The following IFIH1 variants were observed in gnomAD, a reference collection of about 807,000 sequenced individuals.
The protein encoded by IFIH1 is interferon-induced helicase C domain-containing protein 1.
Under a neutral mutation model 107.4 loss-of-function variants are expected in IFIH1, and 125 were observed. The ratio of observed to expected loss-of-function variants is 1.16; its 90% CI spans 1.01 to 1.35. IFIH1 has a LOEUF of 1.35. Ranked by LOEUF, IFIH1 falls within the 40% of genes most tolerant of loss-of-function variation. IFIH1 has a pLI of 0.00. For synonymous variants in IFIH1, 458 were observed against 413.2 expected (o/e 1.11, Z -1.31); for missense variants, 1,333 against 1,213.7 (o/e 1.10, Z -1.46).
chr2:162,301,515 A>C (rs549979964), intron 3 of IFIH1, among the ~76,000 whole-genome samples: 11 of 152,338 alleles, frequency 7.2e-5, no homozygotes, highest in African/African-American at 2.4e-4. Flanking sequence ...AAGTTGACTT[A>C]GTTTTAAATG....
chr2:162,313,892 C>T (rs1428663048), intron 1 of IFIH1, among the ~76,000 whole-genome samples: 1 of 151,920 alleles, frequency 6.6e-6, no homozygotes, highest in Non-Finnish European at 1.5e-5. Context: ...GGGAGATTGA[C>T]TTGGGTGCTC....
chr2:162,306,884 C>T (rs1683291010), intron 2 of IFIH1, 29 bp from the exon 3 acceptor site: 2 of 1,606,274 alleles, frequency 1.2e-6, no homozygotes, highest in Non-Finnish European at 8.5e-7. Context: ...GAATGCAAAT[C>T]ATAGTGCCAT....
At chr2:162,306,562 T>C (rs1683282946) in intron 3 of IFIH1, 147 bp downstream of exon 3, 4 of 518,598 alleles carry the variant, frequency 7.7e-6, no homozygotes, top group African/African-American at 1.9e-5. Flanking sequence ...ATTATTTTAA[T>C]TTAATCTCCT....
At chr2:162,306,669 T>C in intron 3 of IFIH1, 40 bp downstream of exon 3, 1 of 1,574,070 alleles carries the variant, frequency 6.4e-7, no homozygotes, top group Non-Finnish European at 8.7e-7. Context: ...TTTCTGGAAG[T>C]AGTAATTACT....
chr2:162,276,177 A>C (rs10490426), intron 11 of IFIH1, among the ~76,000 whole-genome samples: 3,062 of 152,316 alleles, frequency 0.02, 109 homozygotes, highest in African/African-American at 0.071. Flanking sequence ...CAAAAACCAC[A>C]GATTTGATTG....
At chr2:162,280,140 A>G (rs1682779959) in intron 7 of IFIH1, 28 bp from the exon 8 acceptor site, 5 of 1,183,166 alleles carry the variant, frequency 4.2e-6, no homozygotes, top group Admixed American at 3.6e-5. Flanking sequence ...TTCAATATTT[A>G]TGCAATTATT....
intron 14 of IFIH1, 56 bp downstream of exon 14, chr2:162,268,031 T>C (rs1690958897): frequency 8.0e-7 from 1 of 1,248,622 alleles, no homozygotes; most frequent in Non-Finnish European, 1.1e-6. Context: ...ACATTTACAA[T>C]GCAACCTGCT....
intron 3 of IFIH1, among the ~76,000 whole-genome samples, chr2:162,302,628 T>C (rs1043362628): frequency 5.3e-5 from 8 of 152,240 alleles, no homozygotes; most frequent in African/African-American, 1.9e-4. Context: ...CCATAGTAAA[T>C]TCTGCAACAA....
At chr2:162,316,621 T>C (rs1019568356) in intron 1 of IFIH1, among the ~76,000 whole-genome samples, 18 of 152,098 alleles carry the variant, frequency 1.2e-4, no homozygotes, top group African/African-American at 4.3e-4. Flanking sequence ...GAAGTTTGTA[T>C]GAATATACAA....
intron 13 of IFIH1, among the ~76,000 whole-genome samples, chr2:162,271,886 T>TA (rs1691047525): frequency 6.6e-6 from 1 of 152,180 alleles, no homozygotes; most frequent in African/African-American, 2.4e-5. Flanking sequence ...TTTCTGAAAT[T>TA]AAAAAACTGT....
At chr2:162,308,542 T>C (rs1407517794) in intron 2 of IFIH1, among the ~76,000 whole-genome samples, 1 of 152,096 alleles carries the variant, frequency 6.6e-6, no homozygotes, top group Non-Finnish European at 1.5e-5. Context: ...CCACCCCAGC[T>C]AATTTTTGTA....
rs535526338 is a variant in IFIH1 at position 162,305,296 on chromosome 2, G to A, written c.769+1413C>T. Among the ~76,000 whole-genome samples the A allele has an allele frequency of 2.6e-5, 4 of 152,278 alleles. No individual in the cohort carries two copies. In the South Asian group the frequency reaches 6.2e-4, roughly 24 times the overall value. ...TAAGTACAAAATAACAAGGCCAGGC[G>A]GAGTGGCTCATGCCTGTAATCCCAG... On this transcript the variant is annotated intron_variant, in intron 3 of 15. Coordinates refer to ENST00000649979, the MANE Select transcript of IFIH1 (RefSeq NM_022168.4).
chr2:162,272,169 G>A, intron 13 of IFIH1, 57 bp downstream of exon 13: 1 of 1,408,316 alleles, frequency 7.1e-7, no homozygotes, highest in Non-Finnish European at 9.9e-7. Context: ...GATATCAATG[G>A]CAACCACATG....
At chr2:162,272,182 G>T (rs532135532) in intron 13 of IFIH1, 44 bp downstream of exon 13, 2 of 1,528,568 alleles carry the variant, frequency 1.3e-6, no homozygotes, top group Non-Finnish European at 1.8e-6. Context: ...ACCACATGCC[G>T]CCATTTTTAA....
In IFIH1 at chr2:162,310,923, G is replaced by A; in HGVS notation, c.464C>T (p.Ala155Val). 6.2e-7 allele frequency: 1 copy of A among 1,612,314 alleles called. No individual in the cohort carries two copies. Among genetic ancestry groups the A allele is most frequent in the Non-Finnish European group, 8.5e-7 (1 of 1,178,968 alleles). ...TIEDRNRIAA[A>V]ENNGNESGVR... ...ACCTGATTCATTTCCATTGTTTTCT[G>A]CAGCAGCAATCTGTTGTAAGAGAAA... The change falls in exon 2 of 16, where the codon GCA becomes GTA. Residue 155 changes from alanine (A) to valine (V), a missense_variant. Physicochemically the swap from Ala to Val is moderately conservative, Grantham distance 64 (BLOSUM62 0). Transcript: ENST00000649979.
chr2:162,286,356 A>G (rs1042657441), intron 5 of IFIH1, among the ~76,000 whole-genome samples: 1 of 151,946 alleles, frequency 6.6e-6, no homozygotes, highest in Non-Finnish European at 1.5e-5. Flanking sequence ...GGATGAATAC[A>G]AATAGGGCTT....
At chr2:162,270,876 G>T (rs1400381003) in intron 13 of IFIH1, among the ~76,000 whole-genome samples, 1 of 152,112 alleles carries the variant, frequency 6.6e-6, no homozygotes, top group Admixed American at 6.6e-5. Context: ...GCAGAAACCT[G>T]GTCAGGAAAC....
At position 162,310,917 on chromosome 2, in the gene IFIH1, T is replaced by C; in HGVS notation, c.470A>G (p.Asn157Ser). 6.2e-7 allele frequency: 1 copy of C among 1,613,084 alleles called. No individual in the cohort carries two copies. Among genetic ancestry groups the C allele is most frequent in the Non-Finnish European group, 8.5e-7 (1 of 1,179,436 alleles). Residue 157 changes from asparagine (N) to serine (S), a missense_variant, in exon 2 of 16, where the codon AAC becomes AGC. Coordinates refer to ENST00000649979, the MANE Select transcript of IFIH1 (RefSeq NM_022168.4). ...TCTTACACCTGATTCATTTCCATTG[T>C]TTTCTGCAGCAGCAATCTGTTGTAA... is the stretch of plus-strand genomic sequence containing the variant. ...EDRNRIAAAENNGNESGVREL... is the reference protein window; with the variant it reads ...EDRNRIAAAESNGNESGVREL...
chr2:162,310,396 G>A, intron 2 of IFIH1: 1 of 333,338 alleles, frequency 3.0e-6, no homozygotes, highest in Non-Finnish European at 5.4e-6. Flanking sequence ...TGCTTAAAAT[G>A]TATAAAAATG....
Sources: gnomAD v4.1 joint callset for allele counts (sites outside exome capture counted in the v4.1 genomes callset) on GRCh38, gnomAD v4.1.1 for gene constraint, MANE v1.5 for transcripts, NCBI Gene and HGNC (gene_info 2026-07-23, HGNC 2026-07-21) for gene names.